The following MAPT variants were observed in gnomAD, a reference collection of about 807,000 sequenced individuals.
MAPT encodes microtubule-associated protein tau.
A neutral mutation model predicts 67.9 loss-of-function variants in MAPT; 34 were observed. The ratio of observed to expected loss-of-function variants is 0.50; its 90% confidence interval spans 0.38 to 0.67. MAPT has a LOEUF of 0.67. Among genes scored for constraint, MAPT ranks in the 30% least tolerant of loss-of-function variants. The pLI is 0.00. For synonymous variants in MAPT, 456 were observed against 464.5 expected (o/e 0.98, Z 0.23); for missense variants, 881 against 1,115.2 (o/e 0.79, Z 2.99).
intron 12 of MAPT, among the ~76,000 whole-genome samples, 190 bp downstream of exon 12, chr17:46,018,920 G>A (rs1025794216): frequency 3.9e-5 from 6 of 152,154 alleles, no homozygotes; most frequent in African/African-American, 7.2e-5. Context: ...GCTTTAGCAC[G>A]TTTCACACCT....
chr17:46,019,205 T>C (rs1433394921), intron 12 of MAPT, among the ~76,000 whole-genome samples: 4 of 152,110 alleles, frequency 2.6e-5, no homozygotes, highest in Non-Finnish European at 4.4e-5. Flanking sequence ...AGAGAGCGTG[T>C]GCAGGGGAAC....
At chr17:46,013,648 G>A (rs941430289) in intron 10 of MAPT, among the ~76,000 whole-genome samples, 1 of 152,152 alleles carries the variant, frequency 6.6e-6, no homozygotes, top group African/African-American at 2.4e-5. Flanking sequence ...GCTGAACTCC[G>A]CTGGGTCCTG....
chr17:46,021,880 C>A (rs917751414), intron 12 of MAPT, among the ~76,000 whole-genome samples: 1 of 152,136 alleles, frequency 6.6e-6, no homozygotes, highest in Admixed American at 6.5e-5. Context: ...CAGCATTAGT[C>A]CCCTGTTTTC....
intron 4 of MAPT, among the ~76,000 whole-genome samples, chr17:45,982,256 A>G (rs2073047609): frequency 6.8e-6 from 1 of 146,290 alleles, no homozygotes; most frequent in South Asian, 2.2e-4. Flanking sequence ...AGGGAGTCAG[A>G]GGTTGCAGTG....
At chr17:45,904,102 ATATT>A (rs1306343444) in intron 1 of MAPT, among the ~76,000 whole-genome samples, 5 of 31,542 alleles carry the variant, frequency 1.6e-4, no homozygotes, top group African/African-American at 6.5e-4. Flanking sequence ...TATATTATAT[ATATT>A]TATATATATT....
intron 1 of MAPT, among the ~76,000 whole-genome samples, chr17:45,919,243 G>A (rs1422936324): frequency 6.6e-6 from 1 of 152,048 alleles, no homozygotes; most frequent in Non-Finnish European, 1.5e-5. Flanking sequence ...GGCCTCTCCT[G>A]CCTCCACCGG....
intron 1 of MAPT, among the ~76,000 whole-genome samples, chr17:45,941,698 CCTGCCTGCCTTCCTTCCTTCCTTCCT>C (rs2067961608): frequency 6.9e-5 from 4 of 57,760 alleles, no homozygotes; most frequent in Non-Finnish European, 1.1e-4. Flanking sequence ...TTCCTTCCTT[CCTGCCTGCCTTCCTTCCTTCCTTCCT>C]TCCTTCCTTC....
In MAPT at chr17:45,983,320, G is replaced by T; in HGVS notation, c.741G>T (p.Gly247=). Residue 247 remains glycine (G), a synonymous_variant, in exon 5 of 13, where the codon GGG becomes GGT. Transcript: ENST00000262410. The part of the protein sequence containing the change: ...GPREATRQPS[G]TGPEDTEGGR... ...GAGAGGCCACACGCCAACCTTCGGGGACAGGACCTGAGGACACAGAGGGCG... is the reference window on the plus strand; with the variant it reads ...GAGAGGCCACACGCCAACCTTCGGGTACAGGACCTGAGGACACAGAGGGCG... The T allele has an allele frequency of 6.2e-7, 1 of 1,601,758 alleles. No homozygotes were observed. Among genetic ancestry groups the T allele is most frequent in the Non-Finnish European group, 8.5e-7 (1 of 1,174,752 alleles).
rs1313583170 is a variant in MAPT, at chr17:45,951,036, T to G, written c.-17-11285T>G. Reference sequence around the variant, plus strand: ...TGAATAAACCAATGTGGACTATCCCTCCCATTACCCAAGGAATGAAGCACG... The same window carrying G: ...TGAATAAACCAATGTGGACTATCCCGCCCATTACCCAAGGAATGAAGCACG... On this transcript the variant is annotated intron_variant, in intron 1 of 12. Coordinates refer to ENST00000262410, the MANE Select transcript of MAPT (RefSeq NM_001377265.1). Among the ~76,000 whole-genome samples, 7 of 152,300 alleles carry G rather than the reference T, an allele frequency of 4.6e-5. No homozygotes were observed. In the East Asian group the frequency reaches 1.4e-3, roughly 29 times the overall value.
intron 6 of MAPT, 65 bp downstream of exon 6, chr17:45,987,160 C>T (rs558481894): frequency 1.4e-6 from 2 of 1,405,536 alleles, no homozygotes; most frequent in South Asian, 2.3e-5. Context: ...TGCTTTATGT[C>T]TGATTCATTC....
chr17:45,999,664 T>C (rs368281503), intron 9 of MAPT: 42 of 1,598,016 alleles, frequency 2.6e-5, no homozygotes, highest in Non-Finnish European at 3.2e-5. Context: ...ATGCCAAGTG[T>C]AGAAAGGGGC....
intron 12 of MAPT, among the ~76,000 whole-genome samples, chr17:46,022,353 CAAAAAA>C (rs56222318): frequency 5.6e-5 from 5 of 89,632 alleles, no homozygotes; most frequent in African/African-American, 9.2e-5. Context: ...ATCTTTGTCT[CAAAAAA>C]AAAAAAAAAA....
intron 1 of MAPT, among the ~76,000 whole-genome samples, chr17:45,960,260 A>AT (rs2070237779): frequency 6.6e-6 from 1 of 152,224 alleles, no homozygotes. Flanking sequence ...AAGCAGTGGC[A>AT]TTTTTGCCTC....
chr17:45,986,588 T>C (rs1438379151), intron 5 of MAPT, among the ~76,000 whole-genome samples: 1 of 152,192 alleles, frequency 6.6e-6, no homozygotes, highest in African/African-American at 2.4e-5. Flanking sequence ...TGCAGGAGGC[T>C]GGGTCCTCAC....
intron 12 of MAPT, 22 bp downstream of exon 12, chr17:46,018,752 G>T (rs1174360180): frequency 6.5e-7 from 1 of 1,528,830 alleles, no homozygotes; most frequent in Non-Finnish European, 9.1e-7. Flanking sequence ...AGGGTGGGTT[G>T]GATGCTGCCC....
intron 3 of MAPT, 150 bp downstream of exon 3, chr17:45,972,095 G>A: frequency 1.4e-6 from 1 of 718,152 alleles, no homozygotes; most frequent in Non-Finnish European, 2.5e-6. Flanking sequence ...TGGGAGCTGA[G>A]CCTTGCGTCG....
At chr17:45,959,691 G>C (rs1463126896) in intron 1 of MAPT, among the ~76,000 whole-genome samples, 1 of 152,058 alleles carries the variant, frequency 6.6e-6, no homozygotes, top group African/African-American at 2.4e-5. Flanking sequence ...TGAGGCAGGA[G>C]AATCGCTTGA....
intron 1 of MAPT, among the ~76,000 whole-genome samples, chr17:45,953,485 T>C (rs2069295207): frequency 6.6e-6 from 1 of 152,240 alleles, no homozygotes; most frequent in Admixed American, 6.5e-5. Context: ...GGGTGGAGGC[T>C]GAGCCTCCCT....
chr17:46,024,024 G>A lies in MAPT; in HGVS notation c.2355G>A (p.Val785=), dbSNP rs1229758181. ...AGACAGACCACGGGGCGGAGATCGT[G>A]TACAAGTCGCCAGTGGTGTCTGGGG... is the stretch of plus-strand genomic sequence containing the variant. The part of the protein sequence containing the change: ...KAKTDHGAEI[V]YKSPVVSGDT... The change falls in exon 13 of 13, where the codon GTG becomes GTA. Residue 785 remains valine, a synonymous_variant. Transcript: ENST00000262410. The A allele has an allele frequency of 6.2e-7, 1 of 1,613,990 alleles. No homozygotes were observed. Among genetic ancestry groups the A allele is most frequent in the African/African-American group, 1.3e-5 (1 of 74,902 alleles).
Sources: allele counts gnomAD v4.1 joint callset (sites outside exome capture counted in the v4.1 genomes callset), GRCh38; gene constraint gnomAD v4.1.1; transcripts MANE v1.5; gene names NCBI Gene and HGNC (gene_info 2026-07-23, HGNC 2026-07-21).